Variants in WDPCP observed in about 807,000 individuals in gnomAD.
WDPCP encodes WD repeat containing planar cell polarity effector, also known as WD repeat-containing and planar cell polarity effector protein fritz homolog.
In WDPCP, 71 loss-of-function variants were observed where a neutral mutation model predicts 93.1. The observed-to-expected ratio is 0.76, with a 90% CI of 0.63 to 0.93. WDPCP has a LOEUF of 0.93. WDPCP is among the 40% of genes least tolerant of loss of function. The pLI is 0.00. For missense variants in WDPCP, 844 were observed against 887.4 expected, an observed-to-expected ratio of 0.95 and a Z score of 0.62; for synonymous variants, 315 against 315.0, an observed-to-expected ratio of 1.00 and a Z score of 0.00.
chr2:63,212,187 G>A (rs1676878162), intron 14 of WDPCP, among the ~76,000 whole-genome samples: 1 of 152,122 alleles, frequency 6.6e-6, no homozygotes, highest in Admixed American at 6.6e-5. Flanking sequence ...AAGTTGAAAT[G>A]AAGGAAAAAA....
intron 17 of WDPCP, among the ~76,000 whole-genome samples, chr2:63,145,249 G>A (rs1435152727): frequency 1.3e-5 from 2 of 152,172 alleles, no homozygotes; most frequent in East Asian, 1.9e-4. Flanking sequence ...GCCAGGAGGT[G>A]CGCTTTCCAG....
chr2:63,160,095 C>T (rs533701721), intron 15 of WDPCP, among the ~76,000 whole-genome samples: 1 of 152,246 alleles, frequency 6.6e-6, no homozygotes, highest in South Asian at 2.1e-4. Context: ...GTCCTTATTT[C>T]TTCTGTATTA....
At chr2:63,261,855 T>C (rs1575006074) in intron 13 of WDPCP, among the ~76,000 whole-genome samples, 3 of 152,200 alleles carry the variant, frequency 2.0e-5, no homozygotes, top group African/African-American at 7.2e-5. Flanking sequence ...ATTTAAAATA[T>C]ACTTTTGGTA....
chr2:63,174,179 CAT>C (rs1480868290), intron 15 of WDPCP, among the ~76,000 whole-genome samples: 4 of 152,012 alleles, frequency 2.6e-5, no homozygotes, highest in African/African-American at 9.7e-5. Flanking sequence ...CTTTAAATAA[CAT>C]TATTACTTTT....
chr2:63,760,182 G>A (rs1321828292), intron 2 of WDPCP, among the ~76,000 whole-genome samples: 3 of 152,182 alleles, frequency 2.0e-5, no homozygotes, highest in East Asian at 1.9e-4. Flanking sequence ...AGAACTTTAA[G>A]ATGGTGACAA....
intron 9 of WDPCP, among the ~76,000 whole-genome samples, chr2:63,425,269 C>T (rs10164844): frequency 0.46 from 70,067 of 152,032 alleles, 16,738 homozygotes; most frequent in African/African-American, 0.57. Context: ...AATACCAGCC[C>T]GCTCAGATGA....
At chr2:63,840,159 A>C in the WDPCP span, among the ~76,000 whole-genome samples, 2 of 152,178 alleles carry the variant, frequency 1.3e-5, no homozygotes, top group African/African-American at 4.8e-5. Flanking sequence ...GGGCTATTTG[A>C]GTCTTAAAGT....
intron 17 of WDPCP, among the ~76,000 whole-genome samples, chr2:63,137,157 T>C (rs184111391): frequency 6.6e-6 from 1 of 152,354 alleles, no homozygotes; most frequent in East Asian, 1.9e-4. Context: ...GTGGTTGAAC[T>C]AACTTACACA....
chr2:63,138,069 A>ATTTTTTTTTT (rs34667163), intron 17 of WDPCP, among the ~76,000 whole-genome samples: 1 of 117,126 alleles, frequency 8.5e-6, no homozygotes, highest in African/African-American at 3.3e-5. Flanking sequence ...GTTCCATATG[A>ATTTTTTTTTT]TTTTTTTTTT....
chr2:63,347,179 G>C (rs1689249369), intron 12 of WDPCP, among the ~76,000 whole-genome samples: 1 of 152,096 alleles, frequency 6.6e-6, no homozygotes, highest in African/African-American at 2.4e-5. Context: ...CTTGACAACA[G>C]CCCTGTTAAA....
intron 17 of WDPCP, among the ~76,000 whole-genome samples, chr2:63,133,925 G>C (rs1178040686): frequency 6.6e-6 from 1 of 152,118 alleles, no homozygotes; most frequent in Non-Finnish European, 1.5e-5. Flanking sequence ...TTGTTTACTT[G>C]GTTTCTGTAG....
At chr2:63,675,743 A>C (rs569235231) in intron 2 of WDPCP, among the ~76,000 whole-genome samples, 1 of 152,344 alleles carries the variant, frequency 6.6e-6, no homozygotes, top group African/African-American at 2.4e-5. Context: ...TAATTTATTT[A>C]GGAATTCAGT....
At chr2:63,383,925 TA>T (rs1374603236) in intron 10 of WDPCP, among the ~76,000 whole-genome samples, 1 of 152,152 alleles carries the variant, frequency 6.6e-6, no homozygotes, top group African/African-American at 2.4e-5. Flanking sequence ...AGATAGAGCA[TA>T]TTCTGAGTAA....
At chr2:63,345,799 G>A (rs1315207139) in intron 12 of WDPCP, among the ~76,000 whole-genome samples, 1 of 152,098 alleles carries the variant, frequency 6.6e-6, no homozygotes, top group Non-Finnish European at 1.5e-5. Context: ...GCACTCCACT[G>A]TACTAGAAGA....
At chr2:63,284,833 T>C (rs1185605414) in intron 13 of WDPCP, among the ~76,000 whole-genome samples, 1 of 152,166 alleles carries the variant, frequency 6.6e-6, no homozygotes, top group African/African-American at 2.4e-5. Flanking sequence ...TGACTGTGGG[T>C]AACTGAAACC....
intron 2 of WDPCP, among the ~76,000 whole-genome samples, chr2:63,702,039 T>C (rs1669061092): frequency 6.6e-6 from 1 of 152,214 alleles, no homozygotes; most frequent in Non-Finnish European, 1.5e-5. Flanking sequence ...GATTTTTTTT[T>C]CTTGAGATGG....
At chr2:63,342,409 C>T (rs1169230900) in intron 12 of WDPCP, among the ~76,000 whole-genome samples, 5 of 152,184 alleles carry the variant, frequency 3.3e-5, no homozygotes, top group African/African-American at 4.8e-5. Context: ...ATCTACCATT[C>T]GCTATGTCTT....
At chr2:63,432,752 T>G (rs777600284) in intron 9 of WDPCP, among the ~76,000 whole-genome samples, 2 of 152,118 alleles carry the variant, frequency 1.3e-5, no homozygotes, top group African/African-American at 2.4e-5. Context: ...TCAGGATCCA[T>G]AGAAGCACTT....
At chr2:63,701,006 A>G (rs1222328928) in intron 2 of WDPCP, among the ~76,000 whole-genome samples, 25 of 152,244 alleles carry the variant, frequency 1.6e-4, no homozygotes. Context: ...CAACCAAAAC[A>G]AAAGACAAAT....
Sources: gnomAD v4.1 joint callset for allele counts (sites outside exome capture counted in the v4.1 genomes callset) on GRCh38, gnomAD v4.1.1 for gene constraint, MANE v1.5 for transcripts, NCBI Gene and HGNC (gene_info 2026-07-23, HGNC 2026-07-21) for gene names.